The following RALYL variants were observed in gnomAD, a reference collection of about 807,000 sequenced individuals.
RALYL encodes the protein RNA-binding Raly-like protein.
Under a neutral mutation model 35.1 loss-of-function variants are expected in RALYL, and 29 were observed. That is an observed-to-expected ratio of 0.83 (90% confidence interval 0.61 to 1.13). The LOEUF (loss-of-function observed/expected upper bound fraction) is 1.13. RALYL is among the 50% of genes most tolerant of loss of function. The pLI, the probability that RALYL is intolerant of heterozygous loss-of-function variation, is 0.00. For missense variants in RALYL, 359 were observed against 360.4 expected (o/e 1.00, Z 0.03); for synonymous variants, 120 against 127.6 (o/e 0.94, Z 0.40).
At chr8:84,624,799 TAG>T (rs1822367169) in intron 2 of RALYL, among the ~76,000 whole-genome samples, 1 of 152,346 alleles carries the variant, frequency 6.6e-6, no homozygotes. Context: ...TGAAACAAAA[TAG>T]AGTCATTCTT....
At chr8:84,574,193 A>G (rs1808752678) in intron 2 of RALYL, among the ~76,000 whole-genome samples, 1 of 151,960 alleles carries the variant, frequency 6.6e-6, no homozygotes, top group African/African-American at 2.4e-5. Context: ...GCCTACTTTT[A>G]CCCTACTATT....
intron 1 of RALYL, among the ~76,000 whole-genome samples, chr8:84,477,580 T>C (rs1313340937): frequency 6.6e-6 from 1 of 150,512 alleles, no homozygotes; most frequent in Non-Finnish European, 1.5e-5. Flanking sequence ...TATTTTTGCT[T>C]ACAGATTTAT....
At chr8:84,751,604 G>A (rs1810029720) in intron 2 of RALYL, among the ~76,000 whole-genome samples, 1 of 152,106 alleles carries the variant, frequency 6.6e-6, no homozygotes, top group Admixed American at 6.6e-5. Flanking sequence ...ATTGGAGGTG[G>A]GGACTGGTGG....
chr8:84,837,678 A>G (rs1210535315), intron 4 of RALYL, among the ~76,000 whole-genome samples: 3 of 152,248 alleles, frequency 2.0e-5, no homozygotes, highest in African/African-American at 4.8e-5. Flanking sequence ...CAGTGTGGAT[A>G]TATGGCTCTA....
chr8:84,220,075 C>G lies in RALYL; in HGVS notation c.-24+35651C>G, dbSNP rs572350810. Among the ~76,000 whole-genome samples the G allele has an allele frequency of 4.6e-5, 7 of 152,072 alleles. No individual in the cohort carries two copies. In the South Asian group the frequency reaches 1.5e-3, roughly 32 times the overall value. ...AGGGTACTCAGCAAAGTTTTGCCAT[C>G]CTGAGTTGCGTAATTTGGATATGGT... On this transcript the variant is annotated intron_variant, in intron 1 of 8. Transcript: ENST00000521268.
chr8:84,790,275 A>C (rs1011559932), intron 3 of RALYL, among the ~76,000 whole-genome samples: 5 of 152,220 alleles, frequency 3.3e-5, no homozygotes, highest in Admixed American at 2.6e-4. Context: ...AATTTTAGGG[A>C]CAAACCAAAT....
intron 2 of RALYL, among the ~76,000 whole-genome samples, chr8:84,755,396 T>C (rs900659714): frequency 6.6e-6 from 1 of 152,180 alleles, no homozygotes; most frequent in East Asian, 1.9e-4. Flanking sequence ...TCAAATAAAA[T>C]GATGTGTAGC....
At chr8:84,420,366 G>T (rs928114393) in intron 1 of RALYL, among the ~76,000 whole-genome samples, 1 of 152,066 alleles carries the variant, frequency 6.6e-6, no homozygotes, top group Admixed American at 6.6e-5. Flanking sequence ...GTCTGTTCAT[G>T]TCCTTCACCC....
intron 1 of RALYL, among the ~76,000 whole-genome samples, chr8:84,406,159 T>G (rs2043473358): frequency 6.6e-6 from 1 of 152,130 alleles, no homozygotes. Context: ...AACTGTTATA[T>G]GTATGCTTAC....
chr8:84,835,502 T>A (rs1395983526), intron 4 of RALYL, among the ~76,000 whole-genome samples: 9 of 96,316 alleles, frequency 9.3e-5, no homozygotes, highest in African/African-American at 1.7e-4. Context: ...CTGTCTCTAC[T>A]AAAAAAAAAA....
At chr8:84,281,580 T>C (rs984663965) in intron 1 of RALYL, among the ~76,000 whole-genome samples, 7 of 152,002 alleles carry the variant, frequency 4.6e-5, no homozygotes, top group Non-Finnish European at 7.4e-5. Flanking sequence ...AATTCCAGTA[T>C]GTGAATTATT....
At chr8:84,522,336 G>A (rs1326886568) in intron 1 of RALYL, among the ~76,000 whole-genome samples, 2 of 146,444 alleles carry the variant, frequency 1.4e-5, no homozygotes, top group South Asian at 2.1e-4. Context: ...TGCAAGCTCC[G>A]CCTTCCAGGT....
chr8:84,318,686 C>T (rs1175071957), intron 1 of RALYL, among the ~76,000 whole-genome samples: 2 of 152,050 alleles, frequency 1.3e-5, no homozygotes, highest in Non-Finnish European at 2.9e-5. Flanking sequence ...AGGGCCAGGC[C>T]TGTACAAGAG....
chr8:84,777,805 C>G (rs1024779041), intron 3 of RALYL, among the ~76,000 whole-genome samples: 1 of 151,966 alleles, frequency 6.6e-6, no homozygotes, highest in Non-Finnish European at 1.5e-5. Flanking sequence ...CCACACCTGG[C>G]TAATTTTTTG....
intron 2 of RALYL, among the ~76,000 whole-genome samples, chr8:84,713,886 T>A (rs1274940669): frequency 1.3e-5 from 2 of 151,272 alleles, no homozygotes; most frequent in Admixed American, 6.6e-5. Context: ...TCTCATATAA[T>A]ATATAAATAT....
chr8:84,887,753 G>T lies in RALYL; in HGVS notation c.835G>T (p.Asp279Tyr). 1 of 1,613,574 alleles carries T rather than the reference G, an allele frequency of 6.2e-7. No individual in the cohort carries two copies. Among genetic ancestry groups the T allele is most frequent in the Non-Finnish European group, 8.5e-7 (1 of 1,179,648 alleles). ...GACAGATGGGATAGAGGAGGACTTC[G>T]ATGAAGATGGGGGTCATGAGCTGGT... The part of the protein sequence containing the change: ...EMTDGIEEDF[D>Y]EDGGHELFLQ... The change falls in exon 8 of 9, where the codon GAT becomes TAT. Residue 279 changes from aspartate (D) to tyrosine (Y), a missense_variant. Asp to Tyr is a radical substitution (Grantham distance 160, BLOSUM62 -3). Transcript: ENST00000521268.
chr8:84,416,637 T>C (rs1586984710), intron 1 of RALYL, among the ~76,000 whole-genome samples: 1 of 151,952 alleles, frequency 6.6e-6, no homozygotes, highest in African/African-American at 2.4e-5. Flanking sequence ...ATTGTAAGAG[T>C]TGTTTTCCTG....
At chr8:84,699,394 G>T (rs548604936) in intron 2 of RALYL, among the ~76,000 whole-genome samples, 19 of 152,148 alleles carry the variant, frequency 1.2e-4, no homozygotes, top group African/African-American at 4.1e-4. Context: ...GCCATACATT[G>T]GGTGGCTTAT....
chr8:84,509,127 T>C (rs1362393617), intron 1 of RALYL, among the ~76,000 whole-genome samples: 2 of 152,156 alleles, frequency 1.3e-5, no homozygotes, highest in Non-Finnish European at 2.9e-5. Flanking sequence ...TAATACCTTG[T>C]ATTGTGTACT....
Sources: allele counts gnomAD v4.1 joint callset (sites outside exome capture counted in the v4.1 genomes callset), GRCh38; gene constraint gnomAD v4.1.1; transcripts MANE v1.5; gene names NCBI Gene and HGNC (gene_info 2026-07-23, HGNC 2026-07-21).